Variants in PRKCH observed in about 807,000 individuals in gnomAD.
PRKCH encodes the protein protein kinase C eta type.
A neutral mutation model predicts 82.5 loss-of-function variants in PRKCH; 28 were observed. That is an observed-to-expected ratio of 0.34 (90% confidence interval 0.25 to 0.47). The LOEUF is 0.47. Among genes scored for constraint, PRKCH ranks in the 20% least tolerant of loss-of-function variants. The pLI is 1.00. For missense variants in PRKCH, 705 were observed against 881.8 expected, an observed-to-expected ratio of 0.80 and a Z score of 2.54; for synonymous variants, 322 against 327.4, an observed-to-expected ratio of 0.98 and a Z score of 0.18.
chr14:61,359,079 A>G lies in PRKCH; in HGVS notation c.364-32146A>G, dbSNP rs141932301. On this transcript the variant is annotated intron_variant, in intron 1 of 13. Transcript: ENST00000332981. ...GCCTCAGTCCTGAAGGGCAGAAACCATGTGTCATTCCACCTCATATTTTTG... is the reference window on the plus strand; with the variant it reads ...GCCTCAGTCCTGAAGGGCAGAAACCGTGTGTCATTCCACCTCATATTTTTG... Among the ~76,000 whole-genome samples, 39 of 152,292 alleles carry G rather than the reference A, an allele frequency of 2.6e-4. No homozygotes were observed. In the East Asian group the frequency reaches 7.3e-3, roughly 29 times the overall value.
intron 6 of PRKCH, among the ~76,000 whole-genome samples, chr14:61,452,194 G>A (rs77430256): frequency 0.016 from 2,456 of 152,248 alleles, 67 homozygotes; most frequent in African/African-American, 0.057. Flanking sequence ...AAAGGCTTCT[G>A]TAGGCTCGTG....
Position 61,453,758 on chromosome 14 carries a change from A to G in PRKCH, c.960+405A>G, listed in dbSNP as rs12372894. Among the ~76,000 whole-genome samples, 2,855 of 151,426 alleles carry G rather than the reference A, an allele frequency of 0.019. 194 individuals are homozygous for G. In the East Asian group the frequency reaches 0.26, roughly 14 times the overall value. On this transcript the variant is annotated intron_variant, in intron 7 of 13. Coordinates refer to ENST00000332981, the MANE Select transcript of PRKCH (RefSeq NM_006255.5). ...AGACTCGACTGCCTAGGCTCAAGTG[A>G]TCCTCCTACCTCAGTCTCCCAAGTA...
chr14:61,449,316 C>G, intron 5 of PRKCH, 64 bp downstream of exon 5: 7 of 1,373,516 alleles, frequency 5.1e-6, no homozygotes, highest in Non-Finnish European at 4.1e-6. Context: ...GTACCGCCGT[C>G]TCTCTCCCTC....
At chr14:61,549,613 C>G (rs1461713712) in intron 13 of PRKCH, 72 bp from the exon 14 acceptor site, 24 of 1,525,704 alleles carry the variant, frequency 1.6e-5, no homozygotes, top group Non-Finnish European at 1.9e-5. Context: ...CTGGAATGGG[C>G]TATATCCCAT....
At chr14:61,549,594 C>A (rs2043300913) in intron 13 of PRKCH, 91 bp from the exon 14 acceptor site, 1 of 1,420,836 alleles carries the variant, frequency 7.0e-7, no homozygotes, top group Non-Finnish European at 9.6e-7. Flanking sequence ...GAGCACTCCT[C>A]TGAACTCACT....
intron 1 of PRKCH, among the ~76,000 whole-genome samples, chr14:61,338,064 T>C (rs574491365): frequency 6.6e-6 from 1 of 152,308 alleles, no homozygotes; most frequent in Non-Finnish European, 1.5e-5. Context: ...GCTGGGGCGC[T>C]GCTGTTGCAA....
intron 9 of PRKCH, among the ~76,000 whole-genome samples, chr14:61,473,533 G>A (rs1192245502): frequency 1.3e-5 from 2 of 152,156 alleles, no homozygotes; most frequent in East Asian, 3.8e-4. Context: ...TTTTTAAGTG[G>A]GAATGGCCAG....
rs142412367 is a variant in PRKCH at position 61,429,252 on chromosome 14, TTTTTATACCA to T, written c.428-13854_428-13845del. ...ACTGGAAGACCAGAAAGGGCACAGA[TTTTTATACCA>T]TTTTCATCAGGATTACTATGTTCAT... On this transcript the variant is annotated intron_variant, in intron 2 of 13. Transcript: ENST00000332981. Among the ~76,000 whole-genome samples, 1,093 of 152,284 alleles carry T rather than the reference TTTTTATACCA, an allele frequency of 7.2e-3. 16 individuals carry two copies. The highest frequency in any genetic ancestry group is 0.025 in the African/African-American group (1,048 of 41,556).
chr14:61,506,864 T>C (rs749671207), intron 10 of PRKCH, among the ~76,000 whole-genome samples: 8 of 152,150 alleles, frequency 5.3e-5, no homozygotes, highest in Non-Finnish European at 8.8e-5. Context: ...TGCACATGTC[T>C]AAGCCCTAAA....
At chr14:61,315,773 G>A (rs1490016631) in intron 1 of PRKCH, among the ~76,000 whole-genome samples, 2 of 132,566 alleles carry the variant, frequency 1.5e-5, no homozygotes, top group African/African-American at 2.8e-5. Context: ...TTTTTGAGAC[G>A]GAGTCGCTCT....
chr14:61,302,478 C>T (rs867431935), intron 1 of PRKCH, among the ~76,000 whole-genome samples: 1 of 152,114 alleles, frequency 6.6e-6, no homozygotes, highest in African/African-American at 2.4e-5. Flanking sequence ...TCTGAGAAAA[C>T]GGATTTGTCA....
At chr14:61,299,352 TC>T (rs1179320015) in intron 1 of PRKCH, among the ~76,000 whole-genome samples, 107 of 152,272 alleles carry the variant, frequency 7.0e-4, no homozygotes, top group Admixed American at 1.8e-3. Context: ...ACCTTACCAG[TC>T]AAAAGTTCCT....
chr14:61,392,081 C>T (rs899787953), intron 2 of PRKCH, among the ~76,000 whole-genome samples: 1 of 151,954 alleles, frequency 6.6e-6, no homozygotes, highest in Non-Finnish European at 1.5e-5. Context: ...TTGTGTATAT[C>T]AGTATTTTTT....
chr14:61,379,926 C>T (rs2046477653), intron 1 of PRKCH, among the ~76,000 whole-genome samples: 3 of 152,140 alleles, frequency 2.0e-5, no homozygotes, highest in Admixed American at 6.6e-5. Context: ...AGGGGACACA[C>T]GGTGTGGAGG....
chr14:61,345,590 A>G (rs575851356), intron 1 of PRKCH, among the ~76,000 whole-genome samples: 4 of 152,358 alleles, frequency 2.6e-5, no homozygotes, highest in African/African-American at 9.6e-5. Context: ...GTGGGATAAT[A>G]TACAATAATA....
At chr14:61,499,736 C>T (rs1951961) in intron 10 of PRKCH, among the ~76,000 whole-genome samples, 149,602 of 152,174 alleles carry the variant, frequency 0.98, 73,597 homozygotes, top group East Asian at 1. Context: ...CATTTTTTTC[C>T]GTACTTAAAC....
intron 6 of PRKCH, among the ~76,000 whole-genome samples, chr14:61,451,172 A>G (rs577508948): frequency 1.4e-3 from 210 of 152,356 alleles, no homozygotes; most frequent in Admixed American, 4.3e-3. Flanking sequence ...TTTTCTAATC[A>G]TAGGACATTA....
chr14:61,239,364 T>C (rs1408221595), intron 1 of PRKCH, among the ~76,000 whole-genome samples: 1 of 152,122 alleles, frequency 6.6e-6, no homozygotes, highest in Non-Finnish European at 1.5e-5. Context: ...GCTGATTTAA[T>C]GAGCGCCTGG....
intron 2 of PRKCH, among the ~76,000 whole-genome samples, chr14:61,414,669 C>T (rs750741021): frequency 1.0e-4 from 15 of 146,858 alleles, no homozygotes; most frequent in South Asian, 2.2e-4. Context: ...TTAGTAGAGA[C>T]GGGGTTTCAT....
Sources: allele counts gnomAD v4.1 joint callset (sites outside exome capture counted in the v4.1 genomes callset), GRCh38; gene constraint gnomAD v4.1.1; transcripts MANE v1.5; gene names NCBI Gene and HGNC (gene_info 2026-07-23, HGNC 2026-07-21).